DAPK3: variants seen among roughly 807,000 people sequenced by gnomAD.
DAPK3 encodes the protein death-associated protein kinase 3.
Under a neutral mutation model 30.6 loss-of-function variants are expected in DAPK3, and 24 were observed. The observed-to-expected ratio is 0.78, with a 90% CI of 0.57 to 1.10. The LOEUF (loss-of-function observed/expected upper bound fraction) is 1.10. DAPK3 is among the 50% of genes least tolerant of loss of function. DAPK3 has a pLI of 0.00. For synonymous variants in DAPK3, 341 were observed against 284.0 expected (o/e 1.20, Z -2.02); for missense variants, 629 against 657.3 (o/e 0.96, Z 0.47).
At position 3,958,888 on chromosome 19, in the gene DAPK3, G is replaced by A. The variant is rs896474591; in HGVS notation, c.*213C>T. The A allele has an allele frequency of 1.4e-4, 82 of 584,152 alleles. No homozygotes were observed. The highest frequency in any genetic ancestry group is 2.2e-4 in the Non-Finnish European group (71 of 329,526). 36.2% of individuals were successfully genotyped at this position (584,152 alleles called of 1,614,324 possible). A position where few individuals can be genotyped will look rare whatever the true frequency, so the allele number is the denominator to read the frequency against. The stretch of plus-strand genomic sequence containing the variant: ...GATGCAGGGGTGAAGGTGAAGGCCA[G>A]CGTGGAGGCTGTGTAGAGAAGCAGC... On this transcript the variant is annotated 3_prime_UTR_variant, in exon 9 of 9. Transcript: ENST00000545797.
intron 7 of DAPK3, 96 bp from the exon 8 acceptor site, chr19:3,960,200 GC>G: frequency 2.8e-6 from 2 of 702,522 alleles, no homozygotes; most frequent in East Asian, 2.7e-5. Context: ...CCCTAAAGTC[GC>G]CCCCCAGCCT....
chr19:3,962,635 G>A (rs1403174921), intron 6 of DAPK3, among the ~76,000 whole-genome samples: 1 of 152,074 alleles, frequency 6.6e-6, no homozygotes, highest in Non-Finnish European at 1.5e-5. Context: ...TAATTAGCCA[G>A]GCATGGTGGC....
In DAPK3 at chr19:3,958,888, G is replaced by C. The variant is rs896474591; in HGVS notation, c.*213C>G. ...GATGCAGGGGTGAAGGTGAAGGCCA[G>C]CGTGGAGGCTGTGTAGAGAAGCAGC... On this transcript the variant is annotated 3_prime_UTR_variant, in exon 9 of 9. Transcript: ENST00000545797. 52 of 584,152 alleles carry C rather than the reference G, an allele frequency of 8.9e-5. No individual in the cohort carries two copies. Among genetic ancestry groups the C allele is most frequent in the Non-Finnish European group, 1.2e-4 (39 of 329,526 alleles). 36.2% of individuals were successfully genotyped at this position (584,152 alleles called of 1,614,324 possible).
chr19:3,961,813 G>T, intron 6 of DAPK3: 1 of 264,006 alleles, frequency 3.8e-6, no homozygotes, highest in South Asian at 4.1e-5. Context: ...ACCTCAGAGA[G>T]GACAGGAGTG....
intron 2 of DAPK3, among the ~76,000 whole-genome samples, chr19:3,968,035 C>T (rs563657553): frequency 1.3e-5 from 2 of 152,144 alleles, no homozygotes; most frequent in Non-Finnish European, 2.9e-5. Context: ...CTTATGTTGC[C>T]CAGGCTAGTC....
chr19:3,968,806 G>A (rs907664382), intron 2 of DAPK3, among the ~76,000 whole-genome samples: 12 of 152,116 alleles, frequency 7.9e-5, no homozygotes, highest in Non-Finnish European at 1.8e-4. Context: ...TTCCCTTCTG[G>A]TGACATCATG....
intron 6 of DAPK3, among the ~76,000 whole-genome samples, chr19:3,962,059 G>A (rs939241684): frequency 1.3e-5 from 2 of 152,088 alleles, no homozygotes. Flanking sequence ...TGGTTTCATC[G>A]TGTTAGCCAG....
At position 3,961,293 on chromosome 19, in the gene DAPK3, G is replaced by T. The variant is rs1434943640; in HGVS notation, c.630-132C>A. 1.6e-5 allele frequency: 12 copies of T among 765,720 alleles called. No homozygotes were observed. In the Middle Eastern group the frequency reaches 1.4e-3, roughly 88 times the overall value. 47.4% of individuals were successfully genotyped at this position (765,720 alleles called of 1,614,324 possible). ...AGGTGCCTGGGCCACTCACACTCCTGAGCCCTTAGAACCTTCCTGCAACGA... is the reference window on the plus strand; with the variant it reads ...AGGTGCCTGGGCCACTCACACTCCTTAGCCCTTAGAACCTTCCTGCAACGA... On this transcript the variant is annotated intron_variant, in intron 6 of 8. Coordinates refer to ENST00000545797, the MANE Select transcript of DAPK3 (RefSeq NM_001348.3).
chr19:3,970,073 T>C, intron 1 of DAPK3: 1 of 341,000 alleles, frequency 2.9e-6, no homozygotes, highest in Non-Finnish European at 5.4e-6. Flanking sequence ...CAAAACTCTC[T>C]CCAGACACAT....
chr19:3,963,720 TC>T, intron 5 of DAPK3, 51 bp from the exon 6 acceptor site: 1 of 1,479,248 alleles, frequency 6.8e-7, no homozygotes, highest in Non-Finnish European at 9.1e-7. Context: ...CCGCCCACCC[TC>T]CCAGGACCGT....
chr19:3,969,598 G>T, intron 2 of DAPK3, 76 bp downstream of exon 2: 1 of 919,034 alleles, frequency 1.1e-6, no homozygotes. Flanking sequence ...AACAGGAAAG[G>T]AGAGCTGCTG....
At chr19:3,959,679 CCCAGCCCCG>C in intron 8 of DAPK3, 42 bp from the exon 9 acceptor site, 1 of 1,496,156 alleles carries the variant, frequency 6.7e-7, no homozygotes, top group Non-Finnish European at 8.9e-7. Flanking sequence ...CGCGATGCCA[CCCAGCCCCG>C]CCAGCCCCCA....
At chr19:3,967,679 C>T (rs910510010) in intron 2 of DAPK3, among the ~76,000 whole-genome samples, 2 of 152,118 alleles carry the variant, frequency 1.3e-5, no homozygotes, top group African/African-American at 2.4e-5. Flanking sequence ...CACTTGAACC[C>T]GGGAGGCGAA....
chr19:3,958,818 C>T lies in DAPK3; in HGVS notation c.*283G>A, dbSNP rs1378666504. 2 of 575,390 alleles carry T rather than the reference C, an allele frequency of 3.5e-6. No homozygotes were observed. The highest frequency in any genetic ancestry group is 2.0e-5 in the South Asian group (1 of 49,582). 35.6% of individuals were successfully genotyped at this position (575,390 alleles called of 1,614,324 possible). A position where few individuals can be genotyped will look rare whatever the true frequency, so the allele number is the denominator to read the frequency against. The stretch of plus-strand genomic sequence containing the variant: ...GCGCCTCGGTGGGTCCCAACCCTCA[C>T]GGTGCCACAGGCCACGCTGCCTGGA... On this transcript the variant is annotated 3_prime_UTR_variant, in exon 9 of 9. Transcript: ENST00000545797.
rs906096935 is a variant in DAPK3 at position 3,958,501 on chromosome 19, T to C, written c.*600A>G. ...TCTCTTGGCTGCAGAGGGCCGCTCT[T>C]GCCTAGGCGTCCACAGGCGCGACGA... On this transcript the variant is annotated 3_prime_UTR_variant, in exon 9 of 9. Coordinates refer to ENST00000545797, the MANE Select transcript of DAPK3 (RefSeq NM_001348.3). The C allele has an allele frequency of 2.2e-6, 1 of 456,514 alleles. No homozygotes were observed. Among genetic ancestry groups the C allele is most frequent in the African/African-American group, 2.0e-5 (1 of 50,106 alleles). 28.3% of individuals were successfully genotyped at this position (456,514 alleles called of 1,614,324 possible).
intron 6 of DAPK3, among the ~76,000 whole-genome samples, chr19:3,963,292 G>T (rs1222926831): frequency 2.0e-5 from 3 of 152,142 alleles, no homozygotes. Flanking sequence ...AACAACAGCA[G>T]GCCCACGTGT....
chr19:3,962,224 A>G (rs946381578), intron 6 of DAPK3, among the ~76,000 whole-genome samples: 2 of 152,222 alleles, frequency 1.3e-5, no homozygotes, highest in East Asian at 1.9e-4. Flanking sequence ...GTTCGTGTTC[A>G]TGAAAAATGT....
intron 1 of DAPK3, 66 bp downstream of exon 1, chr19:3,970,855 C>G (rs1017637536): frequency 6.5e-6 from 1 of 153,176 alleles, no homozygotes; most frequent in African/African-American, 2.4e-5. Context: ...GGGGCCGCTA[C>G]GCCCCTCGCA....
intron 6 of DAPK3, among the ~76,000 whole-genome samples, chr19:3,962,516 CT>C (rs1300137912): frequency 1.3e-5 from 2 of 152,196 alleles, no homozygotes; most frequent in Non-Finnish European, 2.9e-5. Flanking sequence ...TGGCTCACAC[CT>C]GTCATCCCAG....
Sources: gnomAD v4.1 joint callset for allele counts (sites outside exome capture counted in the v4.1 genomes callset) on GRCh38, gnomAD v4.1.1 for gene constraint, MANE v1.5 for transcripts, NCBI Gene and HGNC (gene_info 2026-07-23, HGNC 2026-07-21) for gene names.